The following AP3D1 variants were observed in gnomAD, a reference collection of about 807,000 sequenced individuals.
The protein encoded by AP3D1 is adaptor related protein complex 3 subunit delta 1.
A neutral mutation model predicts 147.6 loss-of-function variants in AP3D1; 51 were observed. That is an observed-to-expected ratio of 0.35 (90% CI 0.28 to 0.44). The LOEUF (loss-of-function observed/expected upper bound fraction) is 0.44. Ranked by LOEUF, AP3D1 falls within the 20% of genes least tolerant of loss-of-function variation. AP3D1 has a pLI of 1.00. For synonymous variants in AP3D1, 760 were observed against 663.0 expected, an observed-to-expected ratio of 1.15 and a Z score of -2.25; for missense variants, 1,421 against 1,624.2, an observed-to-expected ratio of 0.87 and a Z score of 2.15.
At chr19:2,137,204 G>C in intron 3 of AP3D1, 113 bp from the exon 4 acceptor site, 1 of 914,200 alleles carries the variant, frequency 1.1e-6, no homozygotes, top group Non-Finnish European at 1.7e-6. Context: ...GCAACACCCT[G>C]CAGCCTGGAC....
At chr19:2,125,251 T>C (rs930518165) in intron 9 of AP3D1, among the ~76,000 whole-genome samples, 2 of 152,202 alleles carry the variant, frequency 1.3e-5, no homozygotes, top group African/African-American at 4.8e-5. Flanking sequence ...TAAATGCATA[T>C]TCACGCATGC....
chr19:2,116,775 C>A, intron 16 of AP3D1, 29 bp from the exon 17 acceptor site: 2 of 1,576,884 alleles, frequency 1.3e-6, no homozygotes, highest in Non-Finnish European at 1.7e-6. Context: ...CCACACAAGG[C>A]AGTGTGTGAC....
At chr19:2,110,995 CA>C in intron 26 of AP3D1, 99 bp from the exon 27 acceptor site, 19 of 1,345,574 alleles carry the variant, frequency 1.4e-5, no homozygotes, top group Non-Finnish European at 1.9e-5. Context: ...GCAGGGGTCC[CA>C]CAGGCACAGG....
chr19:2,158,850 C>T (rs1055933458), intron 1 of AP3D1, among the ~76,000 whole-genome samples: 23 of 152,144 alleles, frequency 1.5e-4, no homozygotes, highest in Admixed American at 2.6e-4. Context: ...AAGCTGTTAC[C>T]GTCTTTGTTT....
chr19:2,151,164 G>C, intron 1 of AP3D1, 75 bp downstream of exon 1: 1 of 1,419,426 alleles, frequency 7.0e-7, no homozygotes, highest in East Asian at 2.6e-5. Context: ...AGGCCGAGCA[G>C]GCCCAGTGAG....
chr19:2,146,544 C>T (rs1188675025), intron 1 of AP3D1, among the ~76,000 whole-genome samples: 2 of 145,710 alleles, frequency 1.4e-5, no homozygotes, highest in African/African-American at 2.6e-5. Context: ...GCAGAGGTTG[C>T]AGTGAGCCAA....
chr19:2,127,921 G>A (rs2018803928), intron 8 of AP3D1, among the ~76,000 whole-genome samples: 1 of 152,232 alleles, frequency 6.6e-6, no homozygotes, highest in African/African-American at 2.4e-5. Context: ...TAGGGCCGCA[G>A]CCAGGAGAAT....
intron 4 of AP3D1, among the ~76,000 whole-genome samples, chr19:2,134,219 G>A (rs2019020330): frequency 3.3e-5 from 5 of 152,010 alleles, no homozygotes; most frequent in Admixed American, 3.3e-4. Context: ...TTTGAGACCA[G>A]CCTAGGCAAC....
In AP3D1 at chr19:2,110,259, C is replaced by T. The variant is rs532398748; in HGVS notation, c.3176-35G>A. The T allele has an allele frequency of 9.5e-6, 15 of 1,586,030 alleles. No individual in the cohort carries two copies. In the East Asian group the frequency reaches 2.0e-4, roughly 21 times the overall value. On this transcript the variant is annotated intron_variant, in intron 27 of 31. Transcript: ENST00000643116. ...GCGAGAGGGAGTGGGGCCTGAGACG[C>T]TGCGGGGGCTCAGCATGGGTGGGGC...
intron 8 of AP3D1, among the ~76,000 whole-genome samples, chr19:2,127,686 G>A (rs995455698): frequency 5.3e-5 from 8 of 152,138 alleles, no homozygotes; most frequent in African/African-American, 1.9e-4. Flanking sequence ...CACCACGCCC[G>A]GCTAATTTTT....
chr19:2,143,931 T>C (rs1435587050), intron 1 of AP3D1, among the ~76,000 whole-genome samples: 1 of 151,460 alleles, frequency 6.6e-6, no homozygotes, highest in African/African-American at 2.4e-5. Flanking sequence ...CCGCTAAAAA[T>C]ACAAAATTAG....
Position 2,109,216 on chromosome 19 carries a change from G to A in AP3D1, c.3351-9C>T, listed in dbSNP as rs765972438. On this transcript the variant is annotated splice_polypyrimidine_tract_variant and intron_variant, in intron 29 of 31. Coordinates refer to ENST00000643116, the MANE Select transcript of AP3D1 (RefSeq NM_001261826.3). ...ACTTAGCAAAGGCGTCACTGTGGGA[G>A]GGACAGGGAGGCTGACTGCGGTGGG... is the stretch of plus-strand genomic sequence containing the variant. 2 of 1,573,138 alleles carry A rather than the reference G, an allele frequency of 1.3e-6. No homozygotes were observed. The highest frequency in any genetic ancestry group is 8.6e-7 in the Non-Finnish European group (1 of 1,162,338).
intron 9 of AP3D1, 102 bp from the exon 10 acceptor site, chr19:2,123,981 A>G: frequency 1.5e-6 from 2 of 1,305,874 alleles, no homozygotes; most frequent in Non-Finnish European, 2.2e-6. Context: ...GGGAGGAGGG[A>G]TGGGAGGGAG....
chr19:2,144,126 G>GAGTC (rs1440495681), intron 1 of AP3D1, among the ~76,000 whole-genome samples: 1 of 151,574 alleles, frequency 6.6e-6, no homozygotes, highest in East Asian at 1.9e-4. Context: ...AACAGTAACT[G>GAGTC]AGTCAGGAAA....
Position 2,115,110 on chromosome 19 carries a change from A to C in AP3D1, c.2349+109T>G, listed in dbSNP as rs2018403796. On this transcript the variant is annotated intron_variant, in intron 20 of 31. Transcript: ENST00000643116. ...CCTATGCTCTCCGGGGTGGGGCCTCATCCCAGCCACCAACGAAGACCATGG... is the reference window on the plus strand; with the variant it reads ...CCTATGCTCTCCGGGGTGGGGCCTCCTCCCAGCCACCAACGAAGACCATGG... 2.5e-6 allele frequency: 3 copies of C among 1,215,764 alleles called. No homozygotes were observed. In the South Asian group the frequency reaches 4.2e-5, roughly 17 times the overall value. 75.3% of individuals were successfully genotyped at this position (1,215,764 alleles called of 1,614,324 possible). A position where few individuals can be genotyped will look rare whatever the true frequency, so the allele number is the denominator to read the frequency against.
intron 1 of AP3D1, among the ~76,000 whole-genome samples, chr19:2,142,449 T>C (rs1325851199): frequency 6.6e-6 from 1 of 152,010 alleles, no homozygotes; most frequent in Non-Finnish European, 1.5e-5. Context: ...CGCACCTGGC[T>C]GGCGCTTTTT....
intron 11 of AP3D1, among the ~76,000 whole-genome samples, chr19:2,122,126 CCTA>C (rs2145073129): frequency 6.6e-6 from 1 of 152,304 alleles, no homozygotes; most frequent in East Asian, 1.9e-4. Flanking sequence ...GCCTCCCCTA[CCTA>C]CTACCACGTT....
At chr19:2,127,066 A>AC in intron 9 of AP3D1, 86 bp downstream of exon 9, 1 of 1,436,578 alleles carries the variant, frequency 7.0e-7, no homozygotes, top group Non-Finnish European at 9.8e-7. Context: ...GCTCGGAGAC[A>AC]CCAGGCCTGG....
chr19:2,136,402 G>C (rs973678609), intron 4 of AP3D1, among the ~76,000 whole-genome samples: 3 of 152,206 alleles, frequency 2.0e-5, no homozygotes, highest in African/African-American at 7.2e-5. Context: ...TCTGACGTGC[G>C]GTCTGGGGCC....
Sources: gnomAD v4.1 joint callset for allele counts (sites outside exome capture counted in the v4.1 genomes callset) on GRCh38, gnomAD v4.1.1 for gene constraint, MANE v1.5 for transcripts, NCBI Gene and HGNC (gene_info 2026-07-23, HGNC 2026-07-21) for gene names.